MAP2K6: variants seen among roughly 807,000 people sequenced by gnomAD.
The protein encoded by MAP2K6 is mitogen-activated protein kinase kinase 6, also known as dual specificity mitogen-activated protein kinase kinase 6.
Under a neutral mutation model 53.7 loss-of-function variants are expected in MAP2K6, and 16 were observed. The ratio of observed to expected loss-of-function variants is 0.30; its 90% CI spans 0.20 to 0.45. MAP2K6 has a LOEUF of 0.45. MAP2K6 is among the 20% of genes least tolerant of loss of function. The pLI is 1.00. For synonymous variants in MAP2K6, 132 were observed against 143.1 expected, an observed-to-expected ratio of 0.92 and a Z score of 0.55; for missense variants, 204 against 411.9, an observed-to-expected ratio of 0.50 and a Z score of 4.37.
rs1911906004 is a variant in MAP2K6 at position 69,547,071 on chromosome 17, T to C, written c.*5318T>C. ...TGTGCTGACAGCTAAAGATGCTCTT[T>C]GGGTTTTTTTTTTGGCTTTAATTTG... On this transcript the variant is annotated 3_prime_UTR_variant, in exon 12 of 12. Transcript: ENST00000590474. The C allele has an allele frequency of 6.6e-6, 1 of 152,006 alleles. No homozygotes were observed. Among genetic ancestry groups the C allele is most frequent in the Admixed American group, 6.6e-5 (1 of 15,258 alleles). 9.4% of individuals were successfully genotyped at this position (152,006 alleles called of 1,614,324 possible).
chr17:69,520,459 A>G (rs1598306568), intron 6 of MAP2K6, 73 bp downstream of exon 6: 1 of 828,130 alleles, frequency 1.2e-6, no homozygotes, highest in East Asian at 2.5e-5. Context: ...GGACCTCAGT[A>G]TGAAGAAATA....
chr17:69,475,208 T>G (rs1174542952), intron 1 of MAP2K6, among the ~76,000 whole-genome samples: 161 of 144,988 alleles, frequency 1.1e-3, no homozygotes, highest in African/African-American at 3.9e-3. Context: ...TCACTGTGTC[T>G]CCCAGGTTGG....
intron 10 of MAP2K6, among the ~76,000 whole-genome samples, chr17:69,528,943 G>A (rs1030709288): frequency 6.6e-6 from 1 of 150,554 alleles, no homozygotes; most frequent in African/African-American, 2.4e-5. Context: ...GTGGTAATGG[G>A]GAATGATCTT....
At chr17:69,540,409 A>G (rs1193920268) in intron 11 of MAP2K6, among the ~76,000 whole-genome samples, 2 of 152,180 alleles carry the variant, frequency 1.3e-5, no homozygotes, top group Non-Finnish European at 2.9e-5. Context: ...ACCTGTAAGA[A>G]TTATCCATTT....
intron 1 of MAP2K6, among the ~76,000 whole-genome samples, chr17:69,481,538 G>A (rs866019751): frequency 1.3e-4 from 20 of 152,144 alleles, no homozygotes; most frequent in African/African-American, 4.8e-4. Context: ...CCTAGACTGA[G>A]TGACTTAAAT....
Position 69,541,857 on chromosome 17 carries a change from ACCCTGCCTCTCAGAGGGTTTTCTCTC to A in MAP2K6, c.*107_*132del. ...AGAAAGTCATCTTTGAGATAATTTAACCCTGCCTCTCAGAGGGTTTTCTCTCCCAATTTTCTTTTTACTCCCCCTCT... is the reference window on the plus strand; with the variant it reads ...AGAAAGTCATCTTTGAGATAATTTAACCAATTTTCTTTTTACTCCCCCTCT... On this transcript the variant is annotated 3_prime_UTR_variant, in exon 12 of 12. Coordinates refer to ENST00000590474, the MANE Select transcript of MAP2K6 (RefSeq NM_002758.4). 1 of 837,102 alleles carries A rather than the reference ACCCTGCCTCTCAGAGGGTTTTCTCTC, an allele frequency of 1.2e-6. No homozygotes were observed. Among genetic ancestry groups the A allele is most frequent in the South Asian group, 1.6e-5 (1 of 63,116 alleles). 51.9% of individuals were successfully genotyped at this position (837,102 alleles called of 1,614,324 possible).
chr17:69,452,779 G>A (rs1670544309), intron 1 of MAP2K6, among the ~76,000 whole-genome samples: 1 of 152,240 alleles, frequency 6.6e-6, no homozygotes, highest in Non-Finnish European at 1.5e-5. Context: ...TTTTAGCAAA[G>A]TAGCAAAGCA....
rs561866662 is a variant in MAP2K6 at position 69,527,138 on chromosome 17, A to T, written c.881+429A>T. On this transcript the variant is annotated intron_variant, in intron 10 of 11. Coordinates refer to ENST00000590474, the MANE Select transcript of MAP2K6 (RefSeq NM_002758.4). ...TGTCACGAAAGCAAGAAACTCCTTT[A>T]TGTGAGCTTTAAGCAATTTGATGTT... Among the ~76,000 whole-genome samples, 27 of 152,348 alleles carry T rather than the reference A, an allele frequency of 1.8e-4. No homozygotes were observed. The South Asian group carries it at 5.4e-3, about 30-fold the overall frequency.
chr17:69,505,216 C>T (rs1364618976), intron 1 of MAP2K6, among the ~76,000 whole-genome samples: 2 of 151,434 alleles, frequency 1.3e-5, no homozygotes, highest in Non-Finnish European at 2.9e-5. Flanking sequence ...CCAAGGTCAG[C>T]GGATCACCTG....
chr17:69,433,911 C>T (rs901767331), intron 1 of MAP2K6: 1 of 152,262 alleles, frequency 6.6e-6, no homozygotes, highest in African/African-American at 2.4e-5. Context: ...AGACAGGAGC[C>T]AGGGTACAGA....
At chr17:69,530,926 G>A (rs945736805) in intron 10 of MAP2K6, among the ~76,000 whole-genome samples, 1 of 152,132 alleles carries the variant, frequency 6.6e-6, no homozygotes, top group African/African-American at 2.4e-5. Context: ...AAGTGATAAT[G>A]TTAACAGAAG....
intron 10 of MAP2K6, among the ~76,000 whole-genome samples, chr17:69,531,441 C>G (rs1289902980): frequency 6.6e-6 from 1 of 152,100 alleles, no homozygotes; most frequent in East Asian, 1.9e-4. Context: ...AATTCTGTAT[C>G]CAGGGAATTG....
chr17:69,475,687 A>G (rs570058433), intron 1 of MAP2K6, among the ~76,000 whole-genome samples: 2 of 152,208 alleles, frequency 1.3e-5, no homozygotes, highest in Non-Finnish European at 2.9e-5. Context: ...TGTAGCCTGC[A>G]TTCCTTCTTC....
chr17:69,460,588 G>T (rs569884886), intron 1 of MAP2K6, among the ~76,000 whole-genome samples: 2 of 152,172 alleles, frequency 1.3e-5, no homozygotes, highest in South Asian at 4.1e-4. Flanking sequence ...GCTAAGACTT[G>T]TTAGACCAGG....
rs902561950 is a variant in MAP2K6 at position 69,552,335 on chromosome 17, T to C, written c.*10582T>C. ...GTCTTTCAAAACCCACCTCCAGCAC[T>C]TCAAAGTAGTGTCTCTGGAGAGTTT... On this transcript the variant is annotated 3_prime_UTR_variant, in exon 12 of 12. Transcript: ENST00000590474. 1 of 152,212 alleles carries C rather than the reference T, an allele frequency of 6.6e-6. No individual in the cohort carries two copies. Among genetic ancestry groups the C allele is most frequent in the Admixed American group, 6.5e-5 (1 of 15,278 alleles). The allele number at this position is 152,212 out of a possible 1,614,324, so 9.4% of individuals were successfully genotyped here. A position where few individuals can be genotyped will look rare whatever the true frequency, so the allele number is the denominator to read the frequency against.
chr17:69,446,879 G>T (rs1345494796), intron 1 of MAP2K6, among the ~76,000 whole-genome samples: 1 of 151,080 alleles, frequency 6.6e-6, no homozygotes, highest in Non-Finnish European at 1.5e-5. Context: ...TTTTTTAAAG[G>T]TATTGAATTA....
intron 2 of MAP2K6, among the ~76,000 whole-genome samples, chr17:69,515,399 C>T (rs774186390): frequency 2.6e-5 from 4 of 152,074 alleles, no homozygotes; most frequent in East Asian, 3.9e-4. Flanking sequence ...TCAGGTGATC[C>T]GCCTGCCTCA....
chr17:69,436,102 A>G (rs1319337117), intron 1 of MAP2K6, among the ~76,000 whole-genome samples: 1 of 152,162 alleles, frequency 6.6e-6, no homozygotes, highest in Admixed American at 6.5e-5. Flanking sequence ...CAGCTGTCAC[A>G]CTTCTCTGTC....
At chr17:69,533,129 G>A (rs7209756) in intron 10 of MAP2K6, among the ~76,000 whole-genome samples, 30,233 of 151,730 alleles carry the variant, frequency 0.2, 3,759 homozygotes, top group African/African-American at 0.35. Context: ...GGGTTTCACC[G>A]TATTGGCCAG....
Sources: allele counts gnomAD v4.1 joint callset (sites outside exome capture counted in the v4.1 genomes callset), GRCh38; gene constraint gnomAD v4.1.1; transcripts MANE v1.5; gene names NCBI Gene and HGNC (gene_info 2026-07-23, HGNC 2026-07-21).